Variants in NELL1 observed in about 807,000 individuals in gnomAD.
NELL1 encodes neural EGFL like 1.
NELL1 carries 76 observed loss-of-function variants against 107.4 expected under a neutral mutation model. The ratio of observed to expected loss-of-function variants is 0.71; its 90% CI spans 0.59 to 0.86. The LOEUF (loss-of-function observed/expected upper bound fraction) is 0.86. Ranked by LOEUF, NELL1 falls within the 40% of genes least tolerant of loss-of-function variation. The probability of loss-of-function intolerance (pLI) is 0.00; values close to 1 mark genes in which losing one functional copy is unlikely to be tolerated. For missense variants in NELL1, 1,024 were observed against 1,005.5 expected (o/e 1.02, Z -0.25); for synonymous variants, 353 against 341.2 (o/e 1.03, Z -0.38).
chr11:21,366,242 G>A (rs1205634707), intron 14 of NELL1, among the ~76,000 whole-genome samples: 3 of 152,128 alleles, frequency 2.0e-5, no homozygotes, highest in East Asian at 1.9e-4. Flanking sequence ...CGACTTATCC[G>A]CTGAGTTCCA....
Position 21,463,949 on chromosome 11 carries a change from G to A in NELL1, c.1646-70425G>A, listed in dbSNP as rs557553580. ...AAAACTGGGCTGGGATGATTTAAGC[G>A]CTGGGCTCAGCTGACACTCTGGAAC... On this transcript the variant is annotated intron_variant, in intron 15 of 19. Coordinates refer to ENST00000357134, the MANE Select transcript of NELL1 (RefSeq NM_006157.5). Among the ~76,000 whole-genome samples, 128 of 152,132 alleles carry A rather than the reference G, an allele frequency of 8.4e-4. 1 individual carries two copies. The highest frequency in any genetic ancestry group is 2.6e-3 in the African/African-American group (109 of 41,514).
At chr11:20,769,046 A>G (rs183975087) in intron 2 of NELL1, among the ~76,000 whole-genome samples, 127 of 152,224 alleles carry the variant, frequency 8.3e-4, no homozygotes, top group Non-Finnish European at 3.7e-4. Context: ...TGATTGCTAC[A>G]TGGGATAGAG....
At chr11:21,132,819 A>G (rs1476513587) in intron 13 of NELL1, among the ~76,000 whole-genome samples, 1 of 151,674 alleles carries the variant, frequency 6.6e-6, no homozygotes, top group Non-Finnish European at 1.5e-5. Context: ...GCATGTTTAA[A>G]CCCTGTTTGC....
chr11:21,151,911 A>G (rs541820627), intron 13 of NELL1, among the ~76,000 whole-genome samples: 2 of 152,306 alleles, frequency 1.3e-5, no homozygotes, highest in East Asian at 3.9e-4. Flanking sequence ...TGAAACATCT[A>G]TCTCCATCCA....
At chr11:20,815,958 G>A (rs1857614685) in intron 3 of NELL1, among the ~76,000 whole-genome samples, 1 of 152,022 alleles carries the variant, frequency 6.6e-6, no homozygotes, top group Admixed American at 6.6e-5. Flanking sequence ...AAGATCAGAT[G>A]ATTGTAGGTG....
intron 15 of NELL1, among the ~76,000 whole-genome samples, chr11:21,373,207 C>T (rs899549332): frequency 5.3e-5 from 8 of 152,012 alleles, no homozygotes; most frequent in African/African-American, 1.4e-4. Context: ...GAATAGAGTA[C>T]ATAGTTTTCA....
At chr11:20,888,426 A>G (rs1163823738) in intron 5 of NELL1, among the ~76,000 whole-genome samples, 1 of 150,710 alleles carries the variant, frequency 6.6e-6, no homozygotes, top group Non-Finnish European at 1.5e-5. Flanking sequence ...AGATATGTAT[A>G]TTATTATAAT....
chr11:21,400,791 C>G (rs143205277), intron 15 of NELL1, among the ~76,000 whole-genome samples: 1 of 151,922 alleles, frequency 6.6e-6, no homozygotes, highest in Admixed American at 6.6e-5. Flanking sequence ...GAATTTGGCT[C>G]TTCTCCCTCT....
intron 12 of NELL1, among the ~76,000 whole-genome samples, chr11:21,037,572 A>G (rs996639964): frequency 2.6e-5 from 4 of 152,144 alleles, no homozygotes; most frequent in Admixed American, 2.6e-4. Context: ...TTGCATATGC[A>G]TAGAGCCCCA....
chr11:21,507,322 T>G (rs1855305165), intron 15 of NELL1, among the ~76,000 whole-genome samples: 1 of 152,236 alleles, frequency 6.6e-6, no homozygotes, highest in East Asian at 1.9e-4. Context: ...AATAAGTGAC[T>G]TTAAGGTTTT....
intron 15 of NELL1, among the ~76,000 whole-genome samples, chr11:21,444,542 A>AT (rs2133850244): frequency 6.6e-6 from 1 of 152,122 alleles, no homozygotes; most frequent in African/African-American, 2.4e-5. Flanking sequence ...ATTAGAAATT[A>AT]TTTTTCCTGG....
chr11:21,516,900 G>T (rs956450058), intron 15 of NELL1, among the ~76,000 whole-genome samples: 2 of 151,846 alleles, frequency 1.3e-5, no homozygotes, highest in East Asian at 1.9e-4. Context: ...CGTCTCCCAG[G>T]GTCAAGCAAT....
intron 14 of NELL1, among the ~76,000 whole-genome samples, chr11:21,232,159 A>AAAAATATATACATATATATATATATATAT (rs1554985116): frequency 1.4e-5 from 1 of 73,208 alleles, no homozygotes; most frequent in Non-Finnish European, 2.8e-5. Flanking sequence ...AAAAAAAAAA[A>AAAAATATATACATATATATATATATATAT]ATATATATAT....
intron 14 of NELL1, chr11:21,283,529 C>T (rs931255741): frequency 6.6e-6 from 1 of 152,472 alleles, no homozygotes; most frequent in Non-Finnish European, 1.5e-5. Flanking sequence ...GAGTTTCACA[C>T]ACTGAATTTG....
At chr11:21,325,518 T>C (rs1423592712) in intron 14 of NELL1, among the ~76,000 whole-genome samples, 2 of 151,996 alleles carry the variant, frequency 1.3e-5, no homozygotes, top group Non-Finnish European at 2.9e-5. Context: ...AAAAATAATA[T>C]TCCATTTTTT....
intron 15 of NELL1, among the ~76,000 whole-genome samples, chr11:21,378,985 GC>G (rs1206223013): frequency 6.6e-6 from 1 of 151,772 alleles, no homozygotes; most frequent in Non-Finnish European, 1.5e-5. Context: ...CCCAAAGTGT[GC>G]CCGGCCAACA....
intron 3 of NELL1, among the ~76,000 whole-genome samples, chr11:20,799,630 C>T (rs2134000486): frequency 6.7e-6 from 1 of 148,634 alleles, no homozygotes; most frequent in East Asian, 2.0e-4. Context: ...ATTATCAGTT[C>T]ATCTGGAGAC....
chr11:21,192,631 G>A (rs1486501281), intron 13 of NELL1, among the ~76,000 whole-genome samples: 1 of 151,626 alleles, frequency 6.6e-6, no homozygotes, highest in African/African-American at 2.4e-5. Flanking sequence ...GTTGACTCTT[G>A]GGCACAGTCA....
At chr11:21,511,233 A>C (rs887141851) in intron 15 of NELL1, among the ~76,000 whole-genome samples, 2 of 152,160 alleles carry the variant, frequency 1.3e-5, no homozygotes, top group Non-Finnish European at 2.9e-5. Context: ...ATTTGTAATA[A>C]TCTCTCTTTA....
Sources: allele counts gnomAD v4.1 joint callset (sites outside exome capture counted in the v4.1 genomes callset), GRCh38; gene constraint gnomAD v4.1.1; transcripts MANE v1.5; gene names NCBI Gene and HGNC (gene_info 2026-07-23, HGNC 2026-07-21).